Variants in SULF1 observed in about 807,000 individuals in gnomAD.
The protein encoded by SULF1 is sulfatase 1, also known as extracellular sulfatase Sulf-1.
In SULF1, 46 loss-of-function variants were observed where a neutral mutation model predicts 110.5. The observed-to-expected ratio is 0.42, with a 90% CI of 0.33 to 0.53. The LOEUF is 0.53. Ranked by LOEUF, SULF1 falls within the 20% of genes least tolerant of loss-of-function variation. The pLI is 0.12. For missense variants in SULF1, 941 were observed against 1,094.2 expected (o/e 0.86, Z 1.98); for synonymous variants, 371 against 387.1 (o/e 0.96, Z 0.49).
intron 3 of SULF1, among the ~76,000 whole-genome samples, chr8:69,525,814 C>A (rs1812620024): frequency 6.6e-6 from 1 of 152,094 alleles, no homozygotes; most frequent in Admixed American, 6.6e-5. Flanking sequence ...CTCAGATGAC[C>A]ACAATCTGCC....
chr8:69,579,564 CA>C (rs1416643898), intron 6 of SULF1, among the ~76,000 whole-genome samples: 272 of 105,008 alleles, frequency 2.6e-3, no homozygotes, highest in African/African-American at 4.7e-3. Context: ...CACACACACA[CA>C]AAAAAAAAAA....
chr8:69,638,980 C>T, intron 21 of SULF1, 122 bp downstream of exon 21: 1 of 988,180 alleles, frequency 1.0e-6, no homozygotes, highest in Non-Finnish European at 1.5e-6. Context: ...AGAGGAGACA[C>T]TTTCCAGGCA....
At chr8:69,538,916 C>A (rs1813659468) in intron 3 of SULF1, among the ~76,000 whole-genome samples, 1 of 152,194 alleles carries the variant, frequency 6.6e-6, no homozygotes, top group Admixed American at 6.5e-5. Flanking sequence ...TGGTCTCGAA[C>A]TGCTGACCTT....
chr8:69,473,923 T>A (rs1270381287), intron 1 of SULF1, among the ~76,000 whole-genome samples: 1 of 152,212 alleles, frequency 6.6e-6, no homozygotes, highest in Non-Finnish European at 1.5e-5. Flanking sequence ...TTTTTCCACT[T>A]CATAGTACGC....
rs61747207 is a variant in SULF1, at chr8:69,601,784, G to A, written c.1016G>A (p.Arg339His). Residue 339 changes from arginine (R) to histidine (H), a missense_variant, in exon 10 of 23, where the codon CGT becomes CAT. Arg to His is a conservative substitution (Grantham distance 29, BLOSUM62 0). Coordinates refer to ENST00000402687, the MANE Select transcript of SULF1 (RefSeq NM_001128205.2). ...GKSMPYDFDI[R>H]VPFFIRGPSV... ...TCCATGCCATATGACTTTGATATTCGTGTGCCTTTTTTTATTCGTGGTCCA... is the reference window on the plus strand; with the variant it reads ...TCCATGCCATATGACTTTGATATTCATGTGCCTTTTTTTATTCGTGGTCCA... 1.4e-4 allele frequency: 233 copies of A among 1,611,230 alleles called. No individual in the cohort carries two copies. The highest frequency in any genetic ancestry group is 7.4e-4 in the East Asian group (33 of 44,678).
At chr8:69,499,674 G>A (rs1439879900) in intron 2 of SULF1, among the ~76,000 whole-genome samples, 1 of 152,150 alleles carries the variant, frequency 6.6e-6, no homozygotes, top group Non-Finnish European at 1.5e-5. Context: ...ACACATATCA[G>A]CAGGAACTTA....
At chr8:69,644,760 CAAAAAA>C (rs59189043) in intron 22 of SULF1, among the ~76,000 whole-genome samples, 133 of 115,146 alleles carry the variant, frequency 1.2e-3, no homozygotes, top group Admixed American at 1.4e-3. Flanking sequence ...GACGCCGTCT[CAAAAAA>C]AAAAAAAAAA....
chr8:69,538,027 C>T (rs1813549637), intron 3 of SULF1, among the ~76,000 whole-genome samples: 1 of 150,156 alleles, frequency 6.7e-6, no homozygotes, highest in Non-Finnish European at 1.5e-5. Context: ...GTGGCGCCAT[C>T]TCGGCTCACT....
At chr8:69,548,291 T>G (rs1460879899) in intron 3 of SULF1, among the ~76,000 whole-genome samples, 1 of 152,122 alleles carries the variant, frequency 6.6e-6, no homozygotes, top group African/African-American at 2.4e-5. Context: ...TGATCACTGA[T>G]AGCAAAGGAG....
At chr8:69,470,721 C>A (rs1413637175) in intron 1 of SULF1, among the ~76,000 whole-genome samples, 1 of 152,170 alleles carries the variant, frequency 6.6e-6, no homozygotes, top group East Asian at 1.9e-4. Flanking sequence ...CTGAAAATTA[C>A]CACATAAACC....
intron 19 of SULF1, among the ~76,000 whole-genome samples, chr8:69,631,704 CT>C (rs1319289549): frequency 5.3e-5 from 8 of 152,268 alleles, no homozygotes; most frequent in African/African-American, 1.9e-4. Flanking sequence ...CTCAAGCTCC[CT>C]CTCGCCATGG....
rs113631435 is a variant in SULF1, at chr8:69,479,937, T to C, written c.-391+12987T>C. On this transcript the variant is annotated intron_variant, in intron 1 of 22. Transcript: ENST00000260128. ...CAGCTCCCTTTTCGACCATGGACTT[T>C]CTTGCTGAGGGCTACCGTGAGTAAT... is the stretch of plus-strand genomic sequence containing the variant. Among the ~76,000 whole-genome samples the C allele has an allele frequency of 3.2e-3, 489 of 152,284 alleles. 5 individuals are homozygous for C. The highest frequency in any genetic ancestry group is 3.1e-3 in the Non-Finnish European group (212 of 68,014).
chr8:69,610,609 C>G (rs1186845146), intron 13 of SULF1, among the ~76,000 whole-genome samples: 1 of 152,242 alleles, frequency 6.6e-6, no homozygotes, highest in Non-Finnish European at 1.5e-5. Flanking sequence ...TTCCTTCCCT[C>G]TTCAACCCAT....
In SULF1 at chr8:69,564,162, T is replaced by A; in HGVS notation, c.172+15T>A. On this transcript the variant is annotated intron_variant, in intron 5 of 22. Coordinates refer to ENST00000402687, the MANE Select transcript of SULF1 (RefSeq NM_001128205.2). Reference sequence around the variant, plus strand: ...TGTGGAGCTGGGTGAGACACTGGACTCTTCACTTGTTAGTCTCTTTTGTTC... The same window carrying A: ...TGTGGAGCTGGGTGAGACACTGGACACTTCACTTGTTAGTCTCTTTTGTTC... The A allele has an allele frequency of 6.2e-7, 1 of 1,613,084 alleles. No individual in the cohort carries two copies. The highest frequency in any genetic ancestry group is 8.5e-7 in the Non-Finnish European group (1 of 1,179,112).
intron 14 of SULF1, among the ~76,000 whole-genome samples, chr8:69,622,338 G>C (rs887289419): frequency 6.6e-6 from 1 of 152,102 alleles, no homozygotes; most frequent in Admixed American, 6.5e-5. Context: ...CATCACTTTG[G>C]GAGGCTGAGG....
chr8:69,607,287 C>T (rs1262025653), intron 13 of SULF1, among the ~76,000 whole-genome samples: 1 of 152,182 alleles, frequency 6.6e-6, no homozygotes, highest in Non-Finnish European at 1.5e-5. Flanking sequence ...AATCTAAGAA[C>T]TTCAAGAAAA....
At chr8:69,609,420 C>T (rs1808471914) in intron 13 of SULF1, among the ~76,000 whole-genome samples, 1 of 152,080 alleles carries the variant, frequency 6.6e-6, no homozygotes, top group South Asian at 2.1e-4. Context: ...GCTGATGCAC[C>T]CCCCAGACCA....
intron 19 of SULF1, among the ~76,000 whole-genome samples, chr8:69,630,926 T>C (rs1388923168): frequency 3.9e-5 from 6 of 152,050 alleles, no homozygotes; most frequent in African/African-American, 1.4e-4. Context: ...CATTAACTCG[T>C]CATTTAGTAT....
At position 69,471,440 on chromosome 8, in the gene SULF1, G is replaced by A. The variant is rs570234169; in HGVS notation, c.-391+4490G>A. On this transcript the variant is annotated intron_variant, in intron 1 of 22. Transcript: ENST00000260128. ...GAAACTCAGTGGGTTTTATTTGGGG[G>A]AAACTTAAGGAAAATGCCCCTAAGG... 2.6e-4 allele frequency among the ~76,000 whole-genome samples: 40 copies of A among 152,184 alleles called. 1 individual carries two copies. In the South Asian group the frequency reaches 5.0e-3, roughly 19 times the overall value.
Sources: gnomAD v4.1 joint callset for allele counts (sites outside exome capture counted in the v4.1 genomes callset) on GRCh38, gnomAD v4.1.1 for gene constraint, MANE v1.5 for transcripts, NCBI Gene and HGNC (gene_info 2026-07-23, HGNC 2026-07-21) for gene names.